FAM13A: variants seen among roughly 807,000 people sequenced by gnomAD.
The protein encoded by FAM13A is protein FAM13A.
FAM13A carries 76 observed loss-of-function variants against 129.6 expected under a neutral mutation model. The observed-to-expected ratio is 0.59, with a 90% CI of 0.49 to 0.71. The LOEUF (loss-of-function observed/expected upper bound fraction) is 0.71, where lower values mean the gene tolerates loss of function less well. Among genes scored for constraint, FAM13A ranks in the 30% least tolerant of loss-of-function variants. The pLI is 0.00. For synonymous variants in FAM13A, 443 were observed against 449.9 expected (o/e 0.98, Z 0.20); for missense variants, 1,108 against 1,249.3 (o/e 0.89, Z 1.70).
chr4:89,030,617 C>T (rs1240109591), intron 1 of FAM13A, among the ~76,000 whole-genome samples: 1 of 151,928 alleles, frequency 6.6e-6, no homozygotes, highest in Non-Finnish European at 1.5e-5. Context: ...CCAAAGAATC[C>T]TAAGAGTAGA....
intron 1 of FAM13A, among the ~76,000 whole-genome samples, chr4:89,039,575 T>A (rs999833587): frequency 2.6e-5 from 4 of 152,174 alleles, no homozygotes; most frequent in Admixed American, 1.3e-4. Flanking sequence ...AATGTAAAAC[T>A]GCTCAAAAAA....
At chr4:88,932,788 G>A (rs1049261848) in intron 5 of FAM13A, among the ~76,000 whole-genome samples, 5 of 152,252 alleles carry the variant, frequency 3.3e-5, no homozygotes, top group East Asian at 1.9e-4. Context: ...ATTTATTAAT[G>A]TGGGCACTTC....
intron 2 of FAM13A, among the ~76,000 whole-genome samples, chr4:89,026,221 A>C (rs1302095402): frequency 6.6e-6 from 1 of 152,226 alleles, no homozygotes; most frequent in African/African-American, 2.4e-5. Flanking sequence ...CAAGTATGTA[A>C]ATAAATCCTG....
chr4:88,912,284 G>C (rs1048254400), intron 5 of FAM13A, among the ~76,000 whole-genome samples: 1 of 135,674 alleles, frequency 7.4e-6, no homozygotes, highest in African/African-American at 2.8e-5. Flanking sequence ...GACATATAGA[G>C]AACAAAAAGG....
At chr4:88,856,768 A>T (rs1026458310) in intron 6 of FAM13A, among the ~76,000 whole-genome samples, 11 of 152,162 alleles carry the variant, frequency 7.2e-5, no homozygotes, top group Admixed American at 6.6e-4. Context: ...TCCACCTGTC[A>T]CTTGTATGGA....
chr4:88,838,785 G>C (rs1456540087), intron 7 of FAM13A, among the ~76,000 whole-genome samples: 1 of 151,762 alleles, frequency 6.6e-6, no homozygotes. Context: ...GATAAATAAT[G>C]ACAAATTTCA....
rs561004070 is a variant in FAM13A at position 89,032,506 on chromosome 4, G to A, written c.28-2857C>T. On this transcript the variant is annotated intron_variant, in intron 1 of 23. Coordinates refer to ENST00000264344, the MANE Select transcript of FAM13A (RefSeq NM_014883.4). ...TAATTCTTACACTATCGCCTTAGTA[G>A]TAAGAAAATCAGGACCTAAAAAATT... Among the ~76,000 whole-genome samples the A allele has an allele frequency of 1.6e-4, 25 of 152,270 alleles. No individual in the cohort carries two copies. The South Asian group carries it at 1.9e-3, about 11-fold the overall frequency.
intron 20 of FAM13A, 104 bp downstream of exon 20, chr4:88,738,926 A>T (rs1739575208): frequency 6.6e-6 from 5 of 752,126 alleles, no homozygotes; most frequent in South Asian, 6.2e-5. Flanking sequence ...CAGCAATTAA[A>T]GCCTATTCTT....
chr4:88,729,393 GT>G (rs1328494783), intron 23 of FAM13A: 1 of 152,166 alleles, frequency 6.6e-6, no homozygotes, highest in Non-Finnish European at 1.5e-5. Context: ...GCTGCTTTGT[GT>G]TTTATGGGAA....
intron 7 of FAM13A, among the ~76,000 whole-genome samples, chr4:88,825,509 C>T (rs1215159209): frequency 1.3e-5 from 2 of 152,122 alleles, no homozygotes; most frequent in African/African-American, 4.8e-5. Context: ...AGCCACTACG[C>T]CTGGCATGAA....
chr4:88,781,873 G>C, intron 10 of FAM13A, among the ~76,000 whole-genome samples: 1 of 151,256 alleles, frequency 6.6e-6, no homozygotes, highest in Non-Finnish European at 1.5e-5. Flanking sequence ...ATAGCATTAG[G>C]AGATATACCT....
At chr4:88,970,434 G>A (rs1173625819) in intron 4 of FAM13A, among the ~76,000 whole-genome samples, 1 of 150,604 alleles carries the variant, frequency 6.6e-6, no homozygotes, top group Non-Finnish European at 1.5e-5. Flanking sequence ...GAGATGATCT[G>A]AGAGAGAGAG....
intron 6 of FAM13A, among the ~76,000 whole-genome samples, chr4:88,905,096 A>C (rs1031337243): frequency 6.6e-6 from 1 of 152,154 alleles, no homozygotes; most frequent in Admixed American, 6.5e-5. Flanking sequence ...GATCTACTGC[A>C]CTTGACTATT....
chr4:88,877,538 CTT>C (rs920750577), intron 6 of FAM13A, among the ~76,000 whole-genome samples: 2 of 152,126 alleles, frequency 1.3e-5, no homozygotes, highest in Non-Finnish European at 2.9e-5. Flanking sequence ...ATATATCTTT[CTT>C]AAATATATTC....
At chr4:88,763,896 G>A (rs1745260155) in intron 13 of FAM13A, among the ~76,000 whole-genome samples, 2 of 152,150 alleles carry the variant, frequency 1.3e-5, no homozygotes, top group African/African-American at 2.4e-5. Context: ...TTAGGCTTTG[G>A]CTATTGGATT....
chr4:88,973,536 T>A (rs2148959112), intron 4 of FAM13A, among the ~76,000 whole-genome samples: 1 of 152,228 alleles, frequency 6.6e-6, no homozygotes, highest in East Asian at 1.9e-4. Flanking sequence ...CTGCTTACAA[T>A]CCCTTCTGTT....
chr4:88,870,446 C>T (rs1184370135), intron 6 of FAM13A, among the ~76,000 whole-genome samples: 1 of 152,118 alleles, frequency 6.6e-6, no homozygotes, highest in East Asian at 1.9e-4. Context: ...TGCAATTTTC[C>T]AACAGTCTTA....
intron 7 of FAM13A, among the ~76,000 whole-genome samples, chr4:88,824,069 T>C (rs1419609487): frequency 6.6e-6 from 1 of 152,230 alleles, no homozygotes; most frequent in Non-Finnish European, 1.5e-5. Flanking sequence ...TTGTTAATTA[T>C]CACCTTCCCC....
At chr4:88,966,178 A>G (rs553448393) in intron 4 of FAM13A, among the ~76,000 whole-genome samples, 1 of 152,206 alleles carries the variant, frequency 6.6e-6, no homozygotes, top group Non-Finnish European at 1.5e-5. Flanking sequence ...TGGACTATTT[A>G]TTAAATTCTA....
Sources: allele counts gnomAD v4.1 joint callset (sites outside exome capture counted in the v4.1 genomes callset), GRCh38; gene constraint gnomAD v4.1.1; transcripts MANE v1.5; gene names NCBI Gene and HGNC (gene_info 2026-07-23, HGNC 2026-07-21).